Variants in ADAMTS6 observed in about 807,000 individuals in gnomAD.
ADAMTS6 encodes A disintegrin and metalloproteinase with thrombospondin motifs 6.
Under a neutral mutation model 144.3 loss-of-function variants are expected in ADAMTS6, and 23 were observed. The observed-to-expected ratio is 0.16, with a 90% CI of 0.11 to 0.23. The LOEUF (loss-of-function observed/expected upper bound fraction) is 0.23. Among genes scored for constraint, ADAMTS6 ranks in the 10% least tolerant of loss-of-function variants. The pLI is 1.00. For missense variants in ADAMTS6, 999 were observed against 1,379.6 expected, an observed-to-expected ratio of 0.72 and a Z score of 4.37; for synonymous variants, 444 against 457.5, an observed-to-expected ratio of 0.97 and a Z score of 0.38.
intron 7 of ADAMTS6, among the ~76,000 whole-genome samples, chr5:65,367,180 T>C (rs1281715412): frequency 6.6e-6 from 1 of 152,184 alleles, no homozygotes; most frequent in East Asian, 1.9e-4. Context: ...TCTTTAGTAT[T>C]CGGCATACAC....
chr5:65,415,579 A>G, intron 7 of ADAMTS6: 1 of 374,124 alleles, frequency 2.7e-6, no homozygotes, highest in Non-Finnish European at 5.3e-6. Flanking sequence ...AAGTCCCTGG[A>G]GGAGATCTAT....
intron 14 of ADAMTS6, among the ~76,000 whole-genome samples, chr5:65,259,409 CAAAA>C (rs1760970420): frequency 6.8e-6 from 1 of 147,804 alleles, no homozygotes; most frequent in Non-Finnish European, 1.5e-5. Flanking sequence ...AACAAACAAA[CAAAA>C]AGAGTAGGAG....
In ADAMTS6 at chr5:65,151,757, C is replaced by T. The variant is rs1752147945; in HGVS notation, c.*79G>A. The T allele has an allele frequency of 3.9e-6, 5 of 1,289,844 alleles. No individual in the cohort carries two copies. Among genetic ancestry groups the T allele is most frequent in the Non-Finnish European group, 4.5e-6 (4 of 897,672 alleles). The allele number at this position is 1,289,844 out of a possible 1,614,324, so 79.9% of individuals were successfully genotyped here. ...TAATGCATTTGCAAGGACATCAATC[C>T]TCTTCCTCTGGGTGGCTCTCTTTGA... On this transcript the variant is annotated 3_prime_UTR_variant, in exon 25 of 25. Coordinates refer to ENST00000381055, the MANE Select transcript of ADAMTS6 (RefSeq NM_197941.4).
intron 10 of ADAMTS6, among the ~76,000 whole-genome samples, chr5:65,295,038 C>G (rs12516283): frequency 0.58 from 88,231 of 151,954 alleles, 26,745 homozygotes; most frequent in African/African-American, 0.77. Flanking sequence ...GTGTGTAAAT[C>G]TAATTGTAGC....
intron 1 of ADAMTS6, among the ~76,000 whole-genome samples, chr5:65,474,757 T>G (rs1760722471): frequency 2.2e-5 from 1 of 45,840 alleles, no homozygotes; most frequent in Middle Eastern, 0.016. Flanking sequence ...AGAAAATAAC[T>G]AAGAGCTAAA....
intron 3 of ADAMTS6, among the ~76,000 whole-genome samples, chr5:65,468,542 C>T (rs1179866070): frequency 6.6e-6 from 1 of 151,722 alleles, no homozygotes; most frequent in African/African-American, 2.4e-5. Context: ...TCCTTACGAA[C>T]TGCCAAGGGA....
At chr5:65,244,325 A>G (rs1169051631) in intron 14 of ADAMTS6, among the ~76,000 whole-genome samples, 1 of 152,162 alleles carries the variant, frequency 6.6e-6, no homozygotes, top group Non-Finnish European at 1.5e-5. Flanking sequence ...GCACTGGTAC[A>G]TTAAAAAGAC....
Position 65,170,608 on chromosome 5 carries a change from A to G in ADAMTS6, c.3244+9T>C. The G allele has an allele frequency of 1.2e-6, 2 of 1,613,634 alleles. No homozygotes were observed. Among genetic ancestry groups the G allele is most frequent in the South Asian group, 1.1e-5 (1 of 90,930 alleles). Reference sequence around the variant, plus strand: ...GAAACCACAGGCCCCTCCTCCATGGAAAACTCACCTTCAGTATTAGAAATG... The same window carrying G: ...GAAACCACAGGCCCCTCCTCCATGGGAAACTCACCTTCAGTATTAGAAATG... On this transcript the variant is annotated intron_variant, in intron 24 of 24. Transcript: ENST00000381055.
At chr5:65,350,189 C>T (rs1189054712) in intron 7 of ADAMTS6, among the ~76,000 whole-genome samples, 1 of 152,186 alleles carries the variant, frequency 6.6e-6, no homozygotes, top group African/African-American at 2.4e-5. Context: ...GTAGCCTATT[C>T]TAACATTCTC....
intron 1 of ADAMTS6, among the ~76,000 whole-genome samples, chr5:65,478,126 CA>C (rs202124668): frequency 1.4e-5 from 2 of 145,272 alleles, no homozygotes; most frequent in East Asian, 2.0e-4. Flanking sequence ...GGCTCCGTCT[CA>C]AAAAAAAAAC....
intron 7 of ADAMTS6, among the ~76,000 whole-genome samples, chr5:65,375,601 T>C (rs1751451042): frequency 6.6e-6 from 1 of 151,974 alleles, no homozygotes; most frequent in Non-Finnish European, 1.5e-5. Context: ...CATTAAAAAG[T>C]CAGAAAACAA....
chr5:65,257,362 T>C (rs1760775096), intron 14 of ADAMTS6, among the ~76,000 whole-genome samples: 1 of 150,498 alleles, frequency 6.6e-6, no homozygotes, highest in Admixed American at 6.7e-5. Context: ...TTCAAATACA[T>C]TTCATTCTCT....
intron 21 of ADAMTS6, among the ~76,000 whole-genome samples, chr5:65,195,495 G>C (rs1250446284): frequency 6.6e-6 from 1 of 152,190 alleles, no homozygotes; most frequent in African/African-American, 2.4e-5. Context: ...CAAGGGACTA[G>C]TAGTGAGTAT....
chr5:65,463,298 G>A (rs946110176), intron 3 of ADAMTS6, among the ~76,000 whole-genome samples: 1 of 152,062 alleles, frequency 6.6e-6, no homozygotes, highest in Non-Finnish European at 1.5e-5. Flanking sequence ...TATATCTTGG[G>A]AAAGGGCAGA....
intron 7 of ADAMTS6, among the ~76,000 whole-genome samples, chr5:65,370,333 C>T (rs956295370): frequency 5.1e-4 from 77 of 152,258 alleles, no homozygotes; most frequent in Non-Finnish European, 1.0e-3. Context: ...ACGCAGAAGG[C>T]GGGTGATTTC....
At chr5:65,333,811 G>A (rs1397038125) in intron 8 of ADAMTS6, among the ~76,000 whole-genome samples, 2 of 150,824 alleles carry the variant, frequency 1.3e-5, no homozygotes, top group Admixed American at 1.3e-4. Flanking sequence ...TGTCAAAAAA[G>A]CCAATGAAAT....
chr5:65,360,790 A>G (rs1749756503), intron 7 of ADAMTS6, among the ~76,000 whole-genome samples: 1 of 152,226 alleles, frequency 6.6e-6, no homozygotes, highest in Admixed American at 6.5e-5. Flanking sequence ...TGAATGTTAT[A>G]AGAGTTCAAA....
At chr5:65,409,125 C>T (rs1754828587) in intron 7 of ADAMTS6, among the ~76,000 whole-genome samples, 1 of 152,064 alleles carries the variant, frequency 6.6e-6, no homozygotes, top group African/African-American at 2.4e-5. Context: ...CAAAAGCTAG[C>T]AGAAGGCAAG....
chr5:65,182,332 T>G lies in ADAMTS6; in HGVS notation c.2910+5684A>C, dbSNP rs368813432. Among the ~76,000 whole-genome samples the G allele has an allele frequency of 1.1e-4, 17 of 151,084 alleles. No individual in the cohort carries two copies. In the East Asian group the frequency reaches 3.1e-3, roughly 28 times the overall value. ...CAGGTGTGGTGGCACGTGCCTGTAC[T>G]CCTAGCTATTTGGTAGGAAGAGAAT... On this transcript the variant is annotated intron_variant, in intron 22 of 24. Transcript: ENST00000381055.
Sources: allele counts gnomAD v4.1 joint callset (sites outside exome capture counted in the v4.1 genomes callset), GRCh38; gene constraint gnomAD v4.1.1; transcripts MANE v1.5; gene names NCBI Gene and HGNC (gene_info 2026-07-23, HGNC 2026-07-21).